Variants in HDAC9 observed in about 807,000 individuals in gnomAD.
HDAC9 encodes the protein MEF-2 interacting transcription repressor (MITR) protein.
HDAC9 carries 41 observed loss-of-function variants against 139.4 expected under a neutral mutation model. The ratio of observed to expected loss-of-function variants is 0.29; its 90% CI spans 0.23 to 0.38. HDAC9 has a LOEUF of 0.38. Among genes scored for constraint, HDAC9 ranks in the 10% least tolerant of loss-of-function variants. The pLI, the probability that HDAC9 is intolerant of heterozygous loss-of-function variation, is 1.00. For missense variants in HDAC9, 1,147 were observed against 1,297.0 expected (o/e 0.88, Z 1.78); for synonymous variants, 517 against 476.2 (o/e 1.09, Z -1.12).
chr7:18,238,555 G>C (rs1793978727), intron 2 of HDAC9, among the ~76,000 whole-genome samples: 1 of 152,140 alleles, frequency 6.6e-6, no homozygotes, highest in African/African-American at 2.4e-5. Context: ...TCTATATATA[G>C]AAGTTTTGAT....
intron 1 of HDAC9, among the ~76,000 whole-genome samples, chr7:18,359,162 C>T (rs568929545): frequency 3.3e-5 from 5 of 152,170 alleles, no homozygotes; most frequent in South Asian, 2.1e-4. Context: ...TCAATATCGG[C>T]CCAGACAACA....
At chr7:18,470,755 C>T (rs189373160) in intron 1 of HDAC9, among the ~76,000 whole-genome samples, 4 of 152,114 alleles carry the variant, frequency 2.6e-5, no homozygotes, top group Admixed American at 6.5e-5. Context: ...CATAGTTTGC[C>T]CCACCCCTGA....
chr7:18,927,409 C>T (rs1804332628), intron 22 of HDAC9, among the ~76,000 whole-genome samples: 1 of 152,176 alleles, frequency 6.6e-6, no homozygotes, highest in South Asian at 2.1e-4. Flanking sequence ...GAATTTCTCT[C>T]TCTACTTGAG....
intron 2 of HDAC9, among the ~76,000 whole-genome samples, chr7:18,207,637 C>T (rs1386738703): frequency 6.8e-6 from 1 of 147,216 alleles, no homozygotes; most frequent in Non-Finnish European, 1.5e-5. Context: ...TCTTTTGCCA[C>T]ACACGTGTGC....
intron 6 of HDAC9, among the ~76,000 whole-genome samples, chr7:18,617,532 T>C (rs939894070): frequency 3.3e-5 from 5 of 152,194 alleles, no homozygotes; most frequent in African/African-American, 1.2e-4. Flanking sequence ...TCAGATGATA[T>C]ATATACTTCC....
intron 17 of HDAC9, among the ~76,000 whole-genome samples, chr7:18,821,198 C>G (rs1251516328): frequency 2.0e-5 from 3 of 152,222 alleles, no homozygotes; most frequent in African/African-American, 7.2e-5. Flanking sequence ...AGGAAATGCT[C>G]TCATGACCTC....
intron 2 of HDAC9, among the ~76,000 whole-genome samples, chr7:18,239,054 G>A (rs556547301): frequency 2.0e-5 from 3 of 151,922 alleles, no homozygotes; most frequent in Non-Finnish European, 4.4e-5. Flanking sequence ...ATTTTTCACC[G>A]GCTTTACACT....
chr7:18,383,522 A>G (rs77451258), intron 1 of HDAC9, among the ~76,000 whole-genome samples: 5,104 of 152,280 alleles, frequency 0.034, 263 homozygotes, highest in African/African-American at 0.12. Flanking sequence ...GGCTCTTTGG[A>G]GAAAAAAATA....
At chr7:18,695,120 G>A (rs191084285) in intron 12 of HDAC9, among the ~76,000 whole-genome samples, 35 of 152,282 alleles carry the variant, frequency 2.3e-4, no homozygotes, top group African/African-American at 8.2e-4. Context: ...TCTTGGGACT[G>A]GATCAAGATG....
rs1357294199 is a variant in HDAC9, at chr7:18,528,238, A to G, written c.22+31914A>G. ...GGGAGGTCGAGGGTGCTTCTGTAGA[A>G]GTTTTCCATGAAGTATTTTTTTTTT... On this transcript the variant is annotated intron_variant, in intron 2 of 25. Coordinates refer to ENST00000686413, the MANE Select transcript of HDAC9 (RefSeq NM_178425.4). Among the ~76,000 whole-genome samples the G allele has an allele frequency of 6.0e-5, 9 of 149,854 alleles. No homozygotes were observed. In the East Asian group the frequency reaches 1.2e-3, roughly 19 times the overall value.
chr7:18,247,086 GT>G (rs1270392494), intron 2 of HDAC9, among the ~76,000 whole-genome samples: 1 of 151,920 alleles, frequency 6.6e-6, no homozygotes, highest in Non-Finnish European at 1.5e-5. Flanking sequence ...AGGGAATGCT[GT>G]TTTGGGCAGG....
chr7:18,492,032 A>G (rs1435366211), upstream of HDAC9, among the ~76,000 whole-genome samples: 1 of 152,020 alleles, frequency 6.6e-6, no homozygotes, highest in African/African-American at 2.4e-5. Context: ...CTTAATTTCC[A>G]AGTAAAGACT....
chr7:18,487,914 G>C (rs945200483), intron 1 of HDAC9, among the ~76,000 whole-genome samples: 7 of 151,988 alleles, frequency 4.6e-5, no homozygotes, highest in Non-Finnish European at 1.0e-4. Context: ...TAGTAACTTA[G>C]TCTTGTCACA....
chr7:18,828,680 A>G (rs1324300295), intron 17 of HDAC9, among the ~76,000 whole-genome samples: 1 of 152,062 alleles, frequency 6.6e-6, no homozygotes, highest in East Asian at 1.9e-4. Flanking sequence ...GTGTGAGTGT[A>G]AATTTATCAT....
At chr7:18,868,737 G>A (rs145979271) in intron 21 of HDAC9, among the ~76,000 whole-genome samples, 2 of 152,142 alleles carry the variant, frequency 1.3e-5, no homozygotes, top group East Asian at 1.9e-4. Context: ...CTTCAGAGGC[G>A]GGCCTCTGAT....
At chr7:18,577,015 G>C (rs1826186033) in intron 2 of HDAC9, among the ~76,000 whole-genome samples, 1 of 152,164 alleles carries the variant, frequency 6.6e-6, no homozygotes, top group South Asian at 2.1e-4. Flanking sequence ...GACATAAACT[G>C]TTCCTTCATG....
chr7:18,918,697 T>C (rs1161044471), intron 22 of HDAC9, among the ~76,000 whole-genome samples: 7 of 152,084 alleles, frequency 4.6e-5, no homozygotes, highest in Non-Finnish European at 8.8e-5. Context: ...CTACAAATTG[T>C]GCCACCTCCA....
chr7:18,386,843 G>C (rs924720683), intron 1 of HDAC9, among the ~76,000 whole-genome samples: 1 of 152,160 alleles, frequency 6.6e-6, no homozygotes, highest in Non-Finnish European at 1.5e-5. Context: ...ATGGAATTTA[G>C]TCTGGTCTCT....
At chr7:18,430,893 A>G (rs1000134335) in intron 1 of HDAC9, among the ~76,000 whole-genome samples, 3 of 152,162 alleles carry the variant, frequency 2.0e-5, no homozygotes, top group Admixed American at 6.5e-5. Flanking sequence ...TAAACAAACC[A>G]AACCAAACCA....
Sources: allele counts gnomAD v4.1 joint callset (sites outside exome capture counted in the v4.1 genomes callset), GRCh38; gene constraint gnomAD v4.1.1; transcripts MANE v1.5; gene names NCBI Gene and HGNC (gene_info 2026-07-23, HGNC 2026-07-21).